The following RAB3GAP1 variants were observed in gnomAD, a reference collection of about 807,000 sequenced individuals.
The protein encoded by RAB3GAP1 is RAB3 GTPase activating protein catalytic subunit 1.
A neutral mutation model predicts 130.7 loss-of-function variants in RAB3GAP1; 86 were observed. That is an observed-to-expected ratio of 0.66 (90% CI 0.55 to 0.79). RAB3GAP1 has a LOEUF of 0.79. RAB3GAP1 is among the 30% of genes least tolerant of loss of function. The pLI, the probability that RAB3GAP1 is intolerant of heterozygous loss-of-function variation, is 0.00. For synonymous variants in RAB3GAP1, 367 were observed against 401.7 expected, an observed-to-expected ratio of 0.91 and a Z score of 1.03; for missense variants, 1,029 against 1,169.4, an observed-to-expected ratio of 0.88 and a Z score of 1.75.
At chr2:135,075,671 C>CT (rs1457005662) in intron 3 of RAB3GAP1, among the ~76,000 whole-genome samples, 1 of 134,338 alleles carries the variant, frequency 7.4e-6, no homozygotes, top group Admixed American at 7.4e-5. Context: ...TTATATTTGC[C>CT]TTTTTTTGGG....
chr2:135,164,774 C>A (rs925174756), intron 23 of RAB3GAP1, 78 bp downstream of exon 23: 2 of 1,130,028 alleles, frequency 1.8e-6, no homozygotes, highest in Non-Finnish European at 1.3e-6. Context: ...AGTTCCCACA[C>A]GTGGCTGATC....
intron 7 of RAB3GAP1, 71 bp downstream of exon 7, chr2:135,115,452 A>G: frequency 2.8e-6 from 4 of 1,443,856 alleles, no homozygotes; most frequent in Non-Finnish European, 3.8e-6. Flanking sequence ...CATTTTATTC[A>G]GCATATAGAA....
rs542224856 is a variant in RAB3GAP1, at chr2:135,120,955, A to G, written c.748+37A>G. ...TAGAACTATATTTAACTTACTGAAT[A>G]TAAATGGAAAAGAAGATACATTCAG... is the stretch of plus-strand genomic sequence containing the variant. On this transcript the variant is annotated intron_variant, in intron 8 of 23. Transcript: ENST00000264158. 4.4e-6 allele frequency: 6 copies of G among 1,361,108 alleles called. No individual in the cohort carries two copies. In the Admixed American group the frequency reaches 5.0e-5, roughly 11 times the overall value. The allele number at this position is 1,361,108 out of a possible 1,614,324, so 84.3% of individuals were successfully genotyped here. A position where few individuals can be genotyped will look rare whatever the true frequency, so the allele number is the denominator to read the frequency against.
At chr2:135,116,148 T>C (rs1690965016) in intron 7 of RAB3GAP1, among the ~76,000 whole-genome samples, 1 of 152,216 alleles carries the variant, frequency 6.6e-6, no homozygotes, top group Non-Finnish European at 1.5e-5. Context: ...TCACAGTTGA[T>C]TAATAAACTG....
At chr2:135,091,175 G>A (rs1690132282) in intron 4 of RAB3GAP1, 45 bp downstream of exon 4, 1 of 1,497,834 alleles carries the variant, frequency 6.7e-7, no homozygotes, top group Non-Finnish European at 9.2e-7. Context: ...ATTTGTAGGA[G>A]TGGCTGTAAT....
chr2:135,150,845 T>C (rs976103630), intron 18 of RAB3GAP1, among the ~76,000 whole-genome samples: 1 of 151,646 alleles, frequency 6.6e-6, no homozygotes, highest in Non-Finnish European at 1.5e-5. Context: ...CTTCACTCAA[T>C]GAACTTTTGA....
chr2:135,075,400 C>T (rs564134618), intron 3 of RAB3GAP1, among the ~76,000 whole-genome samples: 2 of 151,946 alleles, frequency 1.3e-5, no homozygotes, highest in Admixed American at 6.5e-5. Context: ...CACATTATAC[C>T]TTGAAAAAAA....
At chr2:135,057,663 A>G (rs975336520) in intron 2 of RAB3GAP1, among the ~76,000 whole-genome samples, 15 of 152,174 alleles carry the variant, frequency 9.9e-5, no homozygotes, top group African/African-American at 3.6e-4. Flanking sequence ...CCCAGCCCAT[A>G]ATTATCTTTA....
chr2:135,129,081 G>A (rs553197302), intron 11 of RAB3GAP1, among the ~76,000 whole-genome samples: 1 of 152,196 alleles, frequency 6.6e-6, no homozygotes, highest in Non-Finnish European at 1.5e-5. Context: ...GAGCCTAGGA[G>A]GTCAAGGCTG....
At chr2:135,158,807 T>C (rs1345008837) in intron 19 of RAB3GAP1, among the ~76,000 whole-genome samples, 1 of 152,052 alleles carries the variant, frequency 6.6e-6, no homozygotes, top group Non-Finnish European at 1.5e-5. Context: ...GAGGAGTAAA[T>C]GGAGATCGTA....
intron 3 of RAB3GAP1, among the ~76,000 whole-genome samples, chr2:135,063,435 C>T (rs1689234447): frequency 6.6e-6 from 1 of 152,090 alleles, no homozygotes; most frequent in Non-Finnish European, 1.5e-5. Flanking sequence ...GAACTTTTTT[C>T]ATCAGCTCAA....
At chr2:135,073,622 G>C (rs376817390) in intron 3 of RAB3GAP1, among the ~76,000 whole-genome samples, 69 of 152,288 alleles carry the variant, frequency 4.5e-4, no homozygotes, top group African/African-American at 1.6e-3. Flanking sequence ...GAGGCTGGGG[G>C]CTTATAAAAG....
chr2:135,150,146 T>C (rs994896623), intron 17 of RAB3GAP1, among the ~76,000 whole-genome samples: 1 of 152,122 alleles, frequency 6.6e-6, no homozygotes, highest in Non-Finnish European at 1.5e-5. Flanking sequence ...AAGGGAAACA[T>C]GGTAATCTTA....
intron 4 of RAB3GAP1, among the ~76,000 whole-genome samples, chr2:135,091,412 A>G (rs149541813): frequency 6.6e-6 from 1 of 152,314 alleles, no homozygotes; most frequent in African/African-American, 2.4e-5. Context: ...AGTAACCATA[A>G]TGAAAGTGAT....
intron 3 of RAB3GAP1, among the ~76,000 whole-genome samples, chr2:135,081,168 G>A (rs1436194980): frequency 8.6e-5 from 13 of 150,670 alleles, no homozygotes; most frequent in South Asian, 2.1e-4. Context: ...TTAGCCGGGC[G>A]TGGTGGTGGG....
chr2:135,139,548 A>T (rs533144658), intron 17 of RAB3GAP1, among the ~76,000 whole-genome samples: 229 of 142,392 alleles, frequency 1.6e-3, no homozygotes, highest in African/African-American at 4.1e-3. Context: ...CTCAAAAATT[A>T]AAAAAAAAAA....
intron 17 of RAB3GAP1, among the ~76,000 whole-genome samples, chr2:135,145,136 T>C (rs931304269): frequency 1.3e-5 from 2 of 152,198 alleles, no homozygotes; most frequent in African/African-American, 2.4e-5. Flanking sequence ...GTTACATGCA[T>C]AGAAAGCGTA....
chr2:135,107,002 C>T (rs1458915258), intron 5 of RAB3GAP1, among the ~76,000 whole-genome samples: 1 of 150,770 alleles, frequency 6.6e-6, no homozygotes, highest in East Asian at 2.0e-4. Flanking sequence ...AGAAAAATGA[C>T]TTCTCATGTA....
At chr2:135,123,723 T>G (rs1228357078) in intron 8 of RAB3GAP1, among the ~76,000 whole-genome samples, 1 of 152,190 alleles carries the variant, frequency 6.6e-6, no homozygotes, top group Non-Finnish European at 1.5e-5. Flanking sequence ...AAATATAATG[T>G]TATTAATGAC....
Sources: gnomAD v4.1 joint callset for allele counts (sites outside exome capture counted in the v4.1 genomes callset) on GRCh38, gnomAD v4.1.1 for gene constraint, MANE v1.5 for transcripts, NCBI Gene and HGNC (gene_info 2026-07-23, HGNC 2026-07-21) for gene names.